The following CNN3 variants were observed in gnomAD, a reference collection of about 807,000 sequenced individuals.
CNN3 encodes the protein calponin-3.
In CNN3, 11 loss-of-function variants were observed where a neutral mutation model predicts 39.0. The ratio of observed to expected loss-of-function variants is 0.28; its 90% CI spans 0.18 to 0.47. CNN3 has a LOEUF of 0.47. CNN3 is among the 20% of genes least tolerant of loss of function. CNN3 has a pLI of 0.99. For synonymous variants in CNN3, 101 were observed against 138.3 expected, an observed-to-expected ratio of 0.73 and a Z score of 1.89; for missense variants, 266 against 403.4, an observed-to-expected ratio of 0.66 and a Z score of 2.92.
intron 1 of CNN3, among the ~76,000 whole-genome samples, chr1:94,910,131 G>A (rs1671120729): frequency 1.3e-5 from 2 of 152,224 alleles, no homozygotes; most frequent in South Asian, 4.1e-4. Context: ...GAGCCACCAG[G>A]ATAATCCTGC....
intron 1 of CNN3, chr1:94,925,946 G>T: frequency 2.3e-6 from 1 of 439,288 alleles, no homozygotes; most frequent in South Asian, 9.6e-5. Context: ...GATTTGGGGA[G>T]GGGGACGCCT....
rs766347065 is a variant in CNN3 at position 94,903,385 on chromosome 1, T to C, written c.179+18A>G. ...GAACTGGAAGAGCAGAAACAGATTC[T>C]GGAGGGCTGTAACTCACTCGCAGAG... On this transcript the variant is annotated intron_variant, in intron 2 of 6. Transcript: ENST00000370206. 1 of 1,566,756 alleles carries C rather than the reference T, an allele frequency of 6.4e-7. No homozygotes were observed. The highest frequency in any genetic ancestry group is 1.4e-5 in the African/African-American group (1 of 73,266).
In CNN3 at chr1:94,919,910, TCTCCA is replaced by T. The variant is rs3838309; in HGVS notation, c.57+6923_57+6927del. On this transcript the variant is annotated intron_variant, in intron 1 of 6. Coordinates refer to ENST00000370206, the MANE Select transcript of CNN3 (RefSeq NM_001839.5). ...GTGGGGGAAAACTAAGCATTAGTCT[TCTCCA>T]CTCAAGGACTTGCTTCACACAGGTC... is the stretch of plus-strand genomic sequence containing the variant. 2.4e-4 allele frequency among the ~76,000 whole-genome samples: 36 copies of T among 152,030 alleles called. No individual in the cohort carries two copies. The East Asian group carries it at 5.2e-3, about 22-fold the overall frequency.
At chr1:94,923,048 T>G (rs1341868967) in intron 1 of CNN3, among the ~76,000 whole-genome samples, 1 of 152,200 alleles carries the variant, frequency 6.6e-6, no homozygotes, top group African/African-American at 2.4e-5. Context: ...CAATTTATTT[T>G]TTCCACTTTC....
At position 94,903,414 on chromosome 1, in the gene CNN3, G is replaced by A. The variant is rs1670918255; in HGVS notation, c.168C>T (p.Ile56=). ...GGGCTGTAACTCACTCGCAGAGGAT[G>A]ATGCCATCCTTTAAGCCCAGCTGGA... ...PNFQLGLKDG[I]ILCELINKLQ... is the part of the protein sequence containing the mutation. The change falls in exon 2 of 7, where the codon ATC becomes ATT. Residue 56 remains isoleucine (I), a synonymous_variant. Coordinates refer to ENST00000370206, the MANE Select transcript of CNN3 (RefSeq NM_001839.5). The A allele has an allele frequency of 6.3e-7, 1 of 1,598,918 alleles. No individual in the cohort carries two copies. The highest frequency in any genetic ancestry group is 1.7e-5 in the Admixed American group (1 of 57,438).
At chr1:94,920,392 T>TA (rs1287914790) in intron 1 of CNN3, among the ~76,000 whole-genome samples, 1 of 152,150 alleles carries the variant, frequency 6.6e-6, no homozygotes, top group African/African-American at 2.4e-5. Context: ...GAATGAATAT[T>TA]AAAGTTCTAG....
intron 1 of CNN3, among the ~76,000 whole-genome samples, chr1:94,925,242 G>A (rs983389299): frequency 5.9e-5 from 9 of 152,308 alleles, no homozygotes; most frequent in Non-Finnish European, 1.2e-4. Flanking sequence ...GAATCACTGG[G>A]GGGAATTACA....
intron 2 of CNN3, 63 bp from the exon 3 acceptor site, chr1:94,903,251 C>G: frequency 1.9e-6 from 3 of 1,583,838 alleles, no homozygotes; most frequent in Admixed American, 1.7e-5. Flanking sequence ...ATTGAAATAT[C>G]AAGTTGCTCC....
At chr1:94,925,315 C>T (rs1306803330) in intron 1 of CNN3, among the ~76,000 whole-genome samples, 3 of 152,176 alleles carry the variant, frequency 2.0e-5, no homozygotes, top group East Asian at 3.8e-4. Flanking sequence ...ATGCCCATTC[C>T]TCTGAAGTTT....
intron 1 of CNN3, among the ~76,000 whole-genome samples, chr1:94,907,316 G>A (rs1437945626): frequency 6.6e-6 from 1 of 152,166 alleles, no homozygotes; most frequent in Non-Finnish European, 1.5e-5. Context: ...TCTAGTAAGT[G>A]AGCTTTATGC....
chr1:94,908,415 C>T (rs1671070490), intron 1 of CNN3, among the ~76,000 whole-genome samples: 1 of 152,256 alleles, frequency 6.6e-6, no homozygotes, highest in Admixed American at 6.5e-5. Context: ...CTCCTCAGGA[C>T]AGCTAAGAGC....
chr1:94,924,735 AAT>A, intron 1 of CNN3, among the ~76,000 whole-genome samples: 1 of 152,348 alleles, frequency 6.6e-6, no homozygotes, highest in Non-Finnish European at 1.5e-5. Flanking sequence ...AAATTCTTAG[AAT>A]AGTCCAACTT....
At chr1:94,920,394 A>T (rs1671413687) in intron 1 of CNN3, among the ~76,000 whole-genome samples, 1 of 152,228 alleles carries the variant, frequency 6.6e-6, no homozygotes, top group African/African-American at 2.4e-5. Flanking sequence ...ATGAATATTA[A>T]AGTTCTAGAG....
At chr1:94,907,967 T>G (rs2101725861) in intron 1 of CNN3, among the ~76,000 whole-genome samples, 1 of 152,392 alleles carries the variant, frequency 6.6e-6, no homozygotes, top group East Asian at 1.9e-4. Flanking sequence ...CCCAAGCTGC[T>G]TTCGCAGACT....
chr1:94,915,467 T>C (rs1360309886), intron 1 of CNN3, among the ~76,000 whole-genome samples: 1 of 152,172 alleles, frequency 6.6e-6, no homozygotes, highest in Non-Finnish European at 1.5e-5. Context: ...CAGGGGACCC[T>C]CCACATCGAC....
chr1:94,920,167 T>C (rs1479671067), intron 1 of CNN3, among the ~76,000 whole-genome samples: 5 of 152,076 alleles, frequency 3.3e-5, no homozygotes, highest in Non-Finnish European at 7.4e-5. Flanking sequence ...TACAGAGAAG[T>C]CCTCAGCCCT....
chr1:94,919,291 G>A (rs1671380670), intron 1 of CNN3, among the ~76,000 whole-genome samples: 1 of 152,196 alleles, frequency 6.6e-6, no homozygotes, highest in Non-Finnish European at 1.5e-5. Context: ...TAGGGTTCCA[G>A]CTCAGCTGCT....
rs773801912 is a variant in CNN3 at position 94,901,690 on chromosome 1, G to A, written c.480C>T (p.Gly160=). Reference sequence around the variant, plus strand: ...TTACCTGCAGACCAATTACACTTTGGCCAGCTTTTAATTTTCCTTCATCAA... The same window carrying A: ...TTACCTGCAGACCAATTACACTTTGACCAGCTTTTAATTTTCCTTCATCAA... The part of the protein sequence containing the change: ...RRFDEGKLKA[G]QSVIGLQMGT... Residue 160 remains glycine (G), a synonymous_variant, in exon 5 of 7, where the codon GGC becomes GGT. Transcript: ENST00000370206. 6.2e-7 allele frequency: 1 copy of A among 1,613,368 alleles called. No individual in the cohort carries two copies. Among genetic ancestry groups the A allele is most frequent in the Non-Finnish European group, 8.5e-7 (1 of 1,179,438 alleles).
At chr1:94,925,595 A>C in intron 1 of CNN3, 2 of 984,660 alleles carry the variant, frequency 2.0e-6, no homozygotes, top group Non-Finnish European at 1.2e-6. Flanking sequence ...AAGAGCCACA[A>C]CTCTCCCTTG....
Sources: allele counts gnomAD v4.1 joint callset (sites outside exome capture counted in the v4.1 genomes callset), GRCh38; gene constraint gnomAD v4.1.1; transcripts MANE v1.5; gene names NCBI Gene and HGNC (gene_info 2026-07-23, HGNC 2026-07-21).